Variants in MYOZ2 observed in about 807,000 individuals in gnomAD.
The protein encoded by MYOZ2 is myozenin 2.
In MYOZ2, 19 loss-of-function variants were observed where a neutral mutation model predicts 25.4. That is an observed-to-expected ratio of 0.75 (90% confidence interval 0.52 to 1.10). The LOEUF is 1.10. MYOZ2 is among the 50% of genes least tolerant of loss of function. The probability of loss-of-function intolerance (pLI) is 0.00; values close to 1 mark genes in which losing one functional copy is unlikely to be tolerated. For missense variants in MYOZ2, 270 were observed against 317.9 expected, an observed-to-expected ratio of 0.85 and a Z score of 1.15; for synonymous variants, 92 against 106.9, an observed-to-expected ratio of 0.86 and a Z score of 0.86.
intron 5 of MYOZ2, among the ~76,000 whole-genome samples, chr4:119,171,210 A>G (rs1321286408): frequency 3.9e-5 from 6 of 152,152 alleles, no homozygotes; most frequent in Non-Finnish European, 8.8e-5. Flanking sequence ...ATTATTCACA[A>G]ATGACATGAT....
At position 119,187,562 on chromosome 4, in the gene MYOZ2, A is replaced by C. The variant is rs1742332269; in HGVS notation, c.*1362A>C. 1 of 152,036 alleles carries C rather than the reference A, an allele frequency of 6.6e-6. No homozygotes were observed. Among genetic ancestry groups the C allele is most frequent in the Non-Finnish European group, 1.5e-5 (1 of 68,004 alleles). The allele number at this position is 152,036 out of a possible 1,614,324, so 9.4% of individuals were successfully genotyped here. A position where few individuals can be genotyped will look rare whatever the true frequency, so the allele number is the denominator to read the frequency against. On this transcript the variant is annotated 3_prime_UTR_variant, in exon 6 of 6. Transcript: ENST00000307128. ...ATTTGCTTATGAAAATATAACCCCCAGAAAGTAACAATGACAAAGTATTAT... is the reference window on the plus strand; with the variant it reads ...ATTTGCTTATGAAAATATAACCCCCCGAAAGTAACAATGACAAAGTATTAT...
chr4:119,171,300 A>G (rs1407534328), intron 5 of MYOZ2, among the ~76,000 whole-genome samples: 1 of 152,058 alleles, frequency 6.6e-6, no homozygotes, highest in African/African-American at 2.4e-5. Context: ...CACAGAATAA[A>G]AGGTCATCGT....
intron 2 of MYOZ2, among the ~76,000 whole-genome samples, chr4:119,142,855 C>T (rs1204949033): frequency 6.6e-6 from 1 of 152,186 alleles, no homozygotes; most frequent in African/African-American, 2.4e-5. Context: ...TAGCATCTTG[C>T]ATCAGTGTGT....
chr4:119,138,722 AT>A (rs1314299471), intron 2 of MYOZ2, among the ~76,000 whole-genome samples: 2 of 151,944 alleles, frequency 1.3e-5, no homozygotes, highest in African/African-American at 2.4e-5. Flanking sequence ...GTGCATCAGA[AT>A]TTTTTTTCAG....
chr4:119,155,758 C>T (rs1741558203), intron 3 of MYOZ2, among the ~76,000 whole-genome samples: 2 of 152,142 alleles, frequency 1.3e-5, no homozygotes, highest in Admixed American at 1.3e-4. Flanking sequence ...GCCATACCAG[C>T]ATTTGTATTC....
chr4:119,156,755 G>T (rs181080888), intron 3 of MYOZ2, among the ~76,000 whole-genome samples: 160 of 151,978 alleles, frequency 1.1e-3, no homozygotes, highest in African/African-American at 3.7e-3. Context: ...GTCATTTTCT[G>T]CCCTGTCCAA....
intron 3 of MYOZ2, among the ~76,000 whole-genome samples, chr4:119,156,186 A>C (rs1477903110): frequency 6.6e-6 from 1 of 152,034 alleles, no homozygotes; most frequent in Non-Finnish European, 1.5e-5. Flanking sequence ...GGTGTTTTTT[A>C]AATCACGACA....
intron 4 of MYOZ2, among the ~76,000 whole-genome samples, chr4:119,162,806 T>C (rs1432867780): frequency 6.6e-6 from 1 of 152,196 alleles, no homozygotes; most frequent in African/African-American, 2.4e-5. Context: ...TTTCGGATAA[T>C]GCTCTGTCTT....
At chr4:119,170,441 A>G (rs1335400967) in intron 5 of MYOZ2, among the ~76,000 whole-genome samples, 1 of 152,124 alleles carries the variant, frequency 6.6e-6, no homozygotes, top group Non-Finnish European at 1.5e-5. Context: ...AGAGCTCTGG[A>G]GTGGCTCTTG....
At chr4:119,148,714 T>G (rs997849436) in intron 2 of MYOZ2, among the ~76,000 whole-genome samples, 4 of 149,226 alleles carry the variant, frequency 2.7e-5, no homozygotes, top group African/African-American at 9.8e-5. Flanking sequence ...ATCTTTTATT[T>G]CTCGACTGAG....
intron 5 of MYOZ2, among the ~76,000 whole-genome samples, chr4:119,165,737 C>T (rs1341708325): frequency 3.0e-5 from 4 of 134,078 alleles, no homozygotes; most frequent in Admixed American, 2.2e-4. Context: ...ACAAGTAAAA[C>T]ATTAGGGGAA....
chr4:119,181,916 T>G (rs974133919), intron 5 of MYOZ2, among the ~76,000 whole-genome samples: 7 of 152,248 alleles, frequency 4.6e-5, no homozygotes, highest in Non-Finnish European at 8.8e-5. Context: ...AACAGTACAC[T>G]GAAGAACAGA....
At chr4:119,140,036 C>G (rs1473980529) in intron 2 of MYOZ2, among the ~76,000 whole-genome samples, 1 of 152,078 alleles carries the variant, frequency 6.6e-6, no homozygotes, top group Non-Finnish European at 1.5e-5. Context: ...AATGTGGTAC[C>G]AGGGGTCCTG....
intron 3 of MYOZ2, among the ~76,000 whole-genome samples, chr4:119,156,094 C>T (rs780231304): frequency 2.0e-5 from 3 of 151,436 alleles, no homozygotes; most frequent in East Asian, 3.9e-4. Context: ...ATTTTAAAGG[C>T]GAATTATAGT....
intron 2 of MYOZ2, among the ~76,000 whole-genome samples, chr4:119,148,725 ATTTTT>A (rs202187477): frequency 1.6e-4 from 11 of 67,126 alleles, no homozygotes; most frequent in Non-Finnish European, 2.5e-4. Context: ...CTCGACTGAG[ATTTTT>A]TTTTTTTTTT....
At chr4:119,174,740 A>G (rs1394571893) in intron 5 of MYOZ2, among the ~76,000 whole-genome samples, 1 of 152,144 alleles carries the variant, frequency 6.6e-6, no homozygotes, top group Non-Finnish European at 1.5e-5. Flanking sequence ...CAGCAGTGGC[A>G]ACCCGCTCGG....
intron 3 of MYOZ2, among the ~76,000 whole-genome samples, chr4:119,153,167 C>T (rs1741492819): frequency 6.6e-6 from 1 of 151,368 alleles, no homozygotes; most frequent in African/African-American, 2.4e-5. Flanking sequence ...CTGTGTGTTG[C>T]CCGATCTTAA....
At chr4:119,146,738 C>A (rs912528512) in intron 2 of MYOZ2, among the ~76,000 whole-genome samples, 7 of 152,070 alleles carry the variant, frequency 4.6e-5, no homozygotes, top group Non-Finnish European at 7.4e-5. Flanking sequence ...AAGTCCTATT[C>A]GTTGCTAATA....
At chr4:119,148,069 G>A (rs989896457) in intron 2 of MYOZ2, among the ~76,000 whole-genome samples, 1 of 152,072 alleles carries the variant, frequency 6.6e-6, no homozygotes, top group Non-Finnish European at 1.5e-5. Flanking sequence ...TTCATCTGAG[G>A]ATGTCTCAAG....
Sources: gnomAD v4.1 joint callset for allele counts (sites outside exome capture counted in the v4.1 genomes callset) on GRCh38, gnomAD v4.1.1 for gene constraint, MANE v1.5 for transcripts, NCBI Gene and HGNC (gene_info 2026-07-23, HGNC 2026-07-21) for gene names.